LGALS8: variants seen among roughly 807,000 people sequenced by gnomAD.
LGALS8 encodes galectin 8.
Under a neutral mutation model 35.9 loss-of-function variants are expected in LGALS8, and 30 were observed. That is an observed-to-expected ratio of 0.83 (90% CI 0.62 to 1.13). The LOEUF is 1.13. Ranked by LOEUF, LGALS8 falls within the 50% of genes most tolerant of loss-of-function variation. LGALS8 has a pLI of 0.00. For synonymous variants in LGALS8, 138 were observed against 136.1 expected (o/e 1.01, Z -0.10); for missense variants, 366 against 388.7 (o/e 0.94, Z 0.49).
At chr1:236,524,387 G>A (rs1280162665) in intron 1 of LGALS8, 1 of 456,746 alleles carries the variant, frequency 2.2e-6, no homozygotes. Context: ...CCCCACCTGG[G>A]CTGCTTTCTC....
At chr1:236,541,425 C>T (rs774648113) in intron 5 of LGALS8, 2 of 394,912 alleles carry the variant, frequency 5.1e-6, no homozygotes, top group East Asian at 4.6e-5. Context: ...ACAGTTTGCA[C>T]TCTCAACAGC....
rs1474792895 is a variant in LGALS8 at position 236,526,166 on chromosome 1, T to C, written c.45+51T>C. On this transcript the variant is annotated intron_variant, in intron 2 of 9. Coordinates refer to ENST00000366584, the MANE Select transcript of LGALS8 (RefSeq NM_201544.4). The surrounding 1 kb of genome is among the most constrained non-coding windows in gnomAD (Gnocchi z 4.6). The stretch of plus-strand genomic sequence containing the variant: ...TTTACCTATGCCAGGACAGATCCAA[T>C]AGAATATTAATTATCCATTGGGAGA... 2 of 1,290,476 alleles carry C rather than the reference T, an allele frequency of 1.5e-6. No individual in the cohort carries two copies. The highest frequency in any genetic ancestry group is 1.2e-5 in the South Asian group (1 of 83,276). The allele number at this position is 1,290,476 out of a possible 1,614,324, so 79.9% of individuals were successfully genotyped here. A position where few individuals can be genotyped will look rare whatever the true frequency, so the allele number is the denominator to read the frequency against.
At chr1:236,518,864 C>G (rs1266382), upstream of LGALS8, among the ~76,000 whole-genome samples, 1 of 151,918 alleles carries the variant, frequency 6.6e-6, no homozygotes, top group Non-Finnish European at 1.5e-5. Context: ...ATTTTACAAT[C>G]ATGTTAACAA....
upstream of LGALS8, among the ~76,000 whole-genome samples, chr1:236,518,794 G>A (rs1660472750): frequency 6.6e-6 from 1 of 152,106 alleles, no homozygotes; most frequent in South Asian, 2.1e-4. Context: ...TTGAGTTGGA[G>A]CACATTTTCC....
chr1:236,542,971 G>A (rs773392093), intron 7 of LGALS8, 184 bp downstream of exon 7: 1 of 1,614,134 alleles, frequency 6.2e-7, no homozygotes, highest in Admixed American at 1.7e-5. Context: ...TCTACACCAA[G>A]AGCAAAGATT....
At chr1:236,527,953 C>T (rs911020816) in intron 2 of LGALS8, among the ~76,000 whole-genome samples, 13 of 152,132 alleles carry the variant, frequency 8.5e-5, no homozygotes, top group African/African-American at 3.1e-4. Flanking sequence ...CCAGCCTAGT[C>T]TCAAACTCCT....
At chr1:236,527,882 C>T (rs1239857377) in intron 2 of LGALS8, among the ~76,000 whole-genome samples, 4 of 151,936 alleles carry the variant, frequency 2.6e-5, no homozygotes, top group African/African-American at 7.3e-5. Flanking sequence ...ACTGCAGGCA[C>T]GTGCTACCAT....
At position 236,548,412 on chromosome 1, in the gene LGALS8, C is replaced by A. The variant is rs1662547271; in HGVS notation, c.*251C>A. On this transcript the variant is annotated 3_prime_UTR_variant, in exon 10 of 10. Transcript: ENST00000366584. ...CTGCCCTCTCTCCTACTTTGGCTGA[C>A]TCTTCAAGAATGCCATTCAACAAGT... 6.3e-6 allele frequency: 3 copies of A among 476,200 alleles called. No individual in the cohort carries two copies. In the East Asian group the frequency reaches 1.1e-4, roughly 17 times the overall value. The allele number at this position is 476,200 out of a possible 1,614,324, so 29.5% of individuals were successfully genotyped here.
At chr1:236,524,499 T>G (rs1309329288) in intron 1 of LGALS8, 1 of 448,394 alleles carries the variant, frequency 2.2e-6, no homozygotes, top group East Asian at 7.1e-5. Context: ...TGACCTCCAT[T>G]GCGTTCCCTG....
intron 6 of LGALS8, 125 bp downstream of exon 6, chr1:236,541,835 A>G (rs1315969553): frequency 1.8e-5 from 10 of 568,106 alleles, no homozygotes; most frequent in Non-Finnish European, 3.1e-5. Flanking sequence ...AATCACTTGA[A>G]AATTGAGATA....
intron 4 of LGALS8, 21 bp downstream of exon 4, chr1:236,539,110 G>C (rs372757509): frequency 6.3e-7 from 1 of 1,595,888 alleles, no homozygotes; most frequent in East Asian, 2.2e-5. Context: ...GAGAGGGACA[G>C]GTTGAGTCCT....
Position 236,524,355 on chromosome 1 carries a change from G to A in LGALS8, c.-104+294G>A, listed in dbSNP as rs762890441. On this transcript the variant is annotated intron_variant, in intron 1 of 9. Transcript: ENST00000366584. The stretch of plus-strand genomic sequence containing the variant: ...CTGGGGTCAGGCTGTTTGCCCTGGG[G>A]TGTCTCCTCGCTGCAAACCCACCCC... The A allele has an allele frequency of 4.4e-5, 20 of 455,728 alleles. 1 individual carries two copies. The highest frequency in any genetic ancestry group is 1.2e-4 in the South Asian group (8 of 64,570). 28.2% of individuals were successfully genotyped at this position (455,728 alleles called of 1,614,324 possible). A position where few individuals can be genotyped will look rare whatever the true frequency, so the allele number is the denominator to read the frequency against.
At chr1:236,528,649 T>A (rs1660965812) in intron 2 of LGALS8, among the ~76,000 whole-genome samples, 1 of 146,268 alleles carries the variant, frequency 6.8e-6, no homozygotes, top group Non-Finnish European at 1.5e-5. Flanking sequence ...CCTCCTGGGC[T>A]CAGCCTTGTA....
Position 236,526,850 on chromosome 1 carries a change from C to T in LGALS8, c.45+735C>T, listed in dbSNP as rs887575267. 1.3e-5 allele frequency among the ~76,000 whole-genome samples: 2 copies of T among 152,130 alleles called. No individual in the cohort carries two copies. The highest frequency in any genetic ancestry group is 2.4e-5 in the African/African-American group (1 of 41,424). On this transcript the variant is annotated intron_variant, in intron 2 of 9. Coordinates refer to ENST00000366584, the MANE Select transcript of LGALS8 (RefSeq NM_201544.4). The surrounding 1 kb of genome is among the most constrained non-coding windows in gnomAD (Gnocchi z 4.6). Reference sequence around the variant, plus strand: ...GAATCCTTAAAATGAGGCCCTAAACCAGTTTTGTTAGTGTGTGTGGGTTCA... The same window carrying T: ...GAATCCTTAAAATGAGGCCCTAAACTAGTTTTGTTAGTGTGTGTGGGTTCA...
chr1:236,528,375 C>T (rs925801707), intron 2 of LGALS8, among the ~76,000 whole-genome samples: 5 of 61,062 alleles, frequency 8.2e-5, no homozygotes, highest in African/African-American at 1.9e-4. Flanking sequence ...GAGCGAGACT[C>T]CATCTCAAAA....
intron 1 of LGALS8, 57 bp from the exon 2 acceptor site, chr1:236,525,911 T>C: frequency 2.0e-6 from 1 of 505,886 alleles, no homozygotes; most frequent in Admixed American, 3.3e-5. Flanking sequence ...TAAAATAGGA[T>C]ATGAAGAAAA....
rs562338325 is a variant in LGALS8, at chr1:236,537,021, C to CTTTTTTTTGTT, written c.46-468_46-467insGTTTTTTTTTT. Reference sequence around the variant, plus strand: ...ATCCTGGCCATGAGGTATGCAGTTCCTTTTTTTTTTTTTGAGACGGAGCCT... The same window carrying CTTTTTTTTGTT: ...ATCCTGGCCATGAGGTATGCAGTTCCTTTTTTTTGTTTTTTTTTTTTTTTGAGACGGAGCCT... On this transcript the variant is annotated intron_variant, in intron 2 of 9. Coordinates refer to ENST00000366584, the MANE Select transcript of LGALS8 (RefSeq NM_201544.4). Among the ~76,000 whole-genome samples, 143 of 137,872 alleles carry CTTTTTTTTGTT rather than the reference C, an allele frequency of 1.0e-3. 18 individuals are homozygous for CTTTTTTTTGTT. The highest frequency in any genetic ancestry group is 1.4e-3 in the Non-Finnish European group (95 of 65,942). The allele number at this position is 137,872 out of a possible 152,430, so 90.4% of individuals were successfully genotyped here. A position where few individuals can be genotyped will look rare whatever the true frequency, so the allele number is the denominator to read the frequency against.
Position 236,548,059 on chromosome 1 carries a change from C to G in LGALS8, c.852C>G (p.Gly284=), listed in dbSNP as rs758143845. The part of the protein sequence containing the change: ...DVREFKVAVN[G]VHSLEYKHRF... ...GAGAATTCAAGGTTGCAGTAAATGG[C>G]GTACACAGCCTGGAGTACAAACACA... Residue 284 remains glycine, a synonymous_variant, in exon 10 of 10, where the codon GGC becomes GGG. Coordinates refer to ENST00000366584, the MANE Select transcript of LGALS8 (RefSeq NM_201544.4). 3 of 1,612,378 alleles carry G rather than the reference C, an allele frequency of 1.9e-6. No individual in the cohort carries two copies. Among genetic ancestry groups the G allele is most frequent in the Non-Finnish European group, 2.5e-6 (3 of 1,178,414 alleles).
chr1:236,548,973 C>T lies in LGALS8; in HGVS notation c.*812C>T, dbSNP rs144850744. ...GGCAAATCAGAGTCTACACAGACGC[C>T]TACAGAAAGTTTCAGGAAGAGGCAA... On this transcript the variant is annotated 3_prime_UTR_variant, in exon 10 of 10. Coordinates refer to ENST00000366584, the MANE Select transcript of LGALS8 (RefSeq NM_201544.4). The T allele has an allele frequency of 2.5e-6, 1 of 398,576 alleles. No homozygotes were observed. Among genetic ancestry groups the T allele is most frequent in the African/African-American group, 2.1e-5 (1 of 48,734 alleles). The allele number at this position is 398,576 out of a possible 1,614,324, so 24.7% of individuals were successfully genotyped here.
Sources: gnomAD v4.1 joint callset for allele counts (sites outside exome capture counted in the v4.1 genomes callset) on GRCh38, gnomAD v4.1.1 for gene constraint, Gnocchi (gnomAD v3.1) non-coding constraint, MANE v1.5 for transcripts, NCBI Gene and HGNC (gene_info 2026-07-23, HGNC 2026-07-21) for gene names.